GNA14: variants seen among roughly 807,000 people sequenced by gnomAD.
GNA14 encodes guanine nucleotide-binding protein subunit alpha-14.
GNA14 carries 50 observed loss-of-function variants against 42.0 expected under a neutral mutation model. The observed-to-expected ratio is 1.19, with a 90% CI of 0.95 to 1.51. The LOEUF is 1.51. Among genes scored for constraint, GNA14 ranks in the 40% most tolerant of loss-of-function variants. The probability of loss-of-function intolerance (pLI) is 0.00; values close to 1 mark genes in which losing one functional copy is unlikely to be tolerated. For synonymous variants in GNA14, 173 were observed against 163.1 expected, an observed-to-expected ratio of 1.06 and a Z score of -0.46; for missense variants, 473 against 446.2, an observed-to-expected ratio of 1.06 and a Z score of -0.54.
At chr9:77,637,082 C>T (rs1405195190) in intron 1 of GNA14, among the ~76,000 whole-genome samples, 3 of 152,070 alleles carry the variant, frequency 2.0e-5, no homozygotes, top group Non-Finnish European at 4.4e-5. Context: ...CTTTTTGAAA[C>T]GATTCTTGCC....
At chr9:77,646,290 C>G (rs1478364003) in intron 1 of GNA14, among the ~76,000 whole-genome samples, 1 of 152,224 alleles carries the variant, frequency 6.6e-6, no homozygotes, top group Non-Finnish European at 1.5e-5. Flanking sequence ...GCCTTCTTTT[C>G]TAGGGCTCAG....
intron 4 of GNA14, among the ~76,000 whole-genome samples, chr9:77,430,660 C>A (rs906627268): frequency 1.3e-5 from 2 of 152,130 alleles, no homozygotes; most frequent in Admixed American, 1.3e-4. Flanking sequence ...ACTAGAAAAT[C>A]GTGTGTGATA....
chr9:77,453,817 A>G (rs1384661043), intron 2 of GNA14, among the ~76,000 whole-genome samples: 1 of 152,222 alleles, frequency 6.6e-6, no homozygotes, highest in Non-Finnish European at 1.5e-5. Flanking sequence ...TTGATATGCT[A>G]GTTTTATTAT....
chr9:77,444,091 A>G (rs753216170), intron 2 of GNA14, among the ~76,000 whole-genome samples: 2 of 152,166 alleles, frequency 1.3e-5, no homozygotes, highest in Non-Finnish European at 2.9e-5. Flanking sequence ...TGCAGTTGAG[A>G]GATGGTATGT....
chr9:77,462,235 C>T (rs765728507), intron 2 of GNA14, among the ~76,000 whole-genome samples: 37 of 152,190 alleles, frequency 2.4e-4, no homozygotes, highest in Non-Finnish European at 4.3e-4. Flanking sequence ...CAGCCAGACT[C>T]GGGCAGCTGT....
At chr9:77,634,189 G>A (rs1824141577) in intron 1 of GNA14, among the ~76,000 whole-genome samples, 2 of 152,050 alleles carry the variant, frequency 1.3e-5, no homozygotes, top group African/African-American at 2.4e-5. Context: ...GGAGGCTGAG[G>A]CAGGAGGATT....
chr9:77,520,265 G>A (rs1156978506), intron 2 of GNA14, among the ~76,000 whole-genome samples: 1 of 152,030 alleles, frequency 6.6e-6, no homozygotes, highest in Admixed American at 6.6e-5. Context: ...ACCCCAAAAG[G>A]GGAATTTATC....
At chr9:77,578,117 A>C (rs1189864737) in intron 1 of GNA14, among the ~76,000 whole-genome samples, 2 of 152,170 alleles carry the variant, frequency 1.3e-5, no homozygotes, top group Admixed American at 1.3e-4. Context: ...CTACTAAAAA[A>C]ATACAAAAAT....
intron 1 of GNA14, among the ~76,000 whole-genome samples, chr9:77,544,891 T>C (rs1837702278): frequency 6.6e-6 from 1 of 152,146 alleles, no homozygotes; most frequent in African/African-American, 2.4e-5. Flanking sequence ...AGGGCCGTGA[T>C]AAGACTTTGG....
At chr9:77,490,697 C>T (rs112474103) in intron 2 of GNA14, among the ~76,000 whole-genome samples, 14 of 152,332 alleles carry the variant, frequency 9.2e-5, no homozygotes, top group African/African-American at 2.6e-4. Context: ...GCCAAGCCCA[C>T]GCCCACCCGG....
intron 2 of GNA14, among the ~76,000 whole-genome samples, chr9:77,446,147 C>T (rs1835814812): frequency 6.6e-6 from 1 of 152,158 alleles, no homozygotes; most frequent in Admixed American, 6.5e-5. Context: ...ACCAAAAGAC[C>T]CCTCCACAGA....
chr9:77,426,395 C>A (rs1053634916), intron 5 of GNA14, among the ~76,000 whole-genome samples: 2 of 152,048 alleles, frequency 1.3e-5, no homozygotes, highest in African/African-American at 4.8e-5. Context: ...ACCTCCAGCT[C>A]CTGCATTCAA....
intron 1 of GNA14, among the ~76,000 whole-genome samples, chr9:77,543,204 G>C (rs888819574): frequency 2.6e-5 from 4 of 152,246 alleles, no homozygotes; most frequent in African/African-American, 9.6e-5. Flanking sequence ...AGTCCTTTGA[G>C]GATTGTGCTT....
At chr9:77,473,329 C>T (rs914890592) in intron 2 of GNA14, among the ~76,000 whole-genome samples, 5 of 151,954 alleles carry the variant, frequency 3.3e-5, no homozygotes, top group Non-Finnish European at 7.4e-5. Context: ...TGGTGGTGTG[C>T]CCCTGTAGTC....
At chr9:77,542,903 G>A (rs529750584) in intron 1 of GNA14, among the ~76,000 whole-genome samples, 2 of 152,236 alleles carry the variant, frequency 1.3e-5, no homozygotes, top group African/African-American at 4.8e-5. Flanking sequence ...CTGGTAGTGA[G>A]TTCAGGTGAT....
intron 2 of GNA14, among the ~76,000 whole-genome samples, chr9:77,507,141 G>C (rs1270108749): frequency 6.6e-6 from 1 of 152,174 alleles, no homozygotes; most frequent in East Asian, 1.9e-4. Context: ...TACAGCCTAG[G>C]TTTTAGGACA....
chr9:77,570,427 A>C (rs1468553814), intron 1 of GNA14, among the ~76,000 whole-genome samples: 1 of 152,180 alleles, frequency 6.6e-6, no homozygotes, highest in Non-Finnish European at 1.5e-5. Flanking sequence ...AGGCAACACT[A>C]ATCTACTTTG....
At chr9:77,451,240 T>C (rs932015654) in intron 2 of GNA14, among the ~76,000 whole-genome samples, 3 of 152,186 alleles carry the variant, frequency 2.0e-5, no homozygotes, top group Non-Finnish European at 4.4e-5. Flanking sequence ...GTTTCCTCAT[T>C]GGTAAAATGA....
chr9:77,584,103 G>C (rs563931608), intron 1 of GNA14, among the ~76,000 whole-genome samples: 1 of 152,296 alleles, frequency 6.6e-6, no homozygotes, highest in South Asian at 2.1e-4. Flanking sequence ...CTGCAACTCA[G>C]AGCAGTAGAC....
Sources: gnomAD v4.1 joint callset for allele counts (sites outside exome capture counted in the v4.1 genomes callset) on GRCh38, gnomAD v4.1.1 for gene constraint, MANE v1.5 for transcripts, NCBI Gene and HGNC (gene_info 2026-07-23, HGNC 2026-07-21) for gene names.